The following NDP variants were observed in gnomAD, a reference collection of about 807,000 sequenced individuals.
NDP encodes the protein norrin cystine knot growth factor NDP.
NDP carries 2 observed loss-of-function variants against 8.4 expected under a neutral mutation model. The ratio of observed to expected loss-of-function variants is 0.24; its 90% CI spans 0.10 to 0.75. The LOEUF is 0.75. NDP is among the 30% of genes least tolerant of loss of function. NDP has a pLI of 0.73. For synonymous variants in NDP, 55 were observed against 45.6 expected, an observed-to-expected ratio of 1.21 and a Z score of -0.83; for missense variants, 81 against 110.1, an observed-to-expected ratio of 0.74 and a Z score of 1.18.
chrX:43,971,147 A>G (rs2035889149), intron 1 of NDP, among the ~76,000 whole-genome samples: 1 of 112,473 alleles, frequency 8.9e-6, no homozygotes, highest in Non-Finnish European at 1.9e-5. Flanking sequence ...TAGAGATGGC[A>G]TATGGACTGA....
At chrX:43,956,833 T>G (rs1206304312) in intron 2 of NDP, among the ~76,000 whole-genome samples, 2 of 112,113 alleles carry the variant, frequency 1.8e-5, no homozygotes, top group African/African-American at 6.5e-5. Context: ...AACAGTACAC[T>G]AAAGTCTGTT....
chrX:43,969,820 G>T (rs929996607), intron 1 of NDP, among the ~76,000 whole-genome samples: 3 of 111,808 alleles, frequency 2.7e-5, no homozygotes, highest in Non-Finnish European at 5.6e-5. Context: ...GAGCTCAGGC[G>T]AAGGGAAAAG....
At chrX:43,952,774 G>T (rs2035770256) in intron 2 of NDP, among the ~76,000 whole-genome samples, 1 of 112,116 alleles carries the variant, frequency 8.9e-6, no homozygotes, top group Non-Finnish European at 1.9e-5. Context: ...AGAATGCACA[G>T]ACATGTACAA....
At chrX:43,973,143 A>C (rs756210105) in intron 1 of NDP, among the ~76,000 whole-genome samples, 161 bp downstream of exon 1, 49 of 113,062 alleles carry the variant, frequency 4.3e-4, no homozygotes, top group Non-Finnish European at 6.7e-4. Context: ...CGTTCATTTA[A>C]GAAACACAAT....
intron 1 of NDP, among the ~76,000 whole-genome samples, chrX:43,968,501 G>C (rs919772627): frequency 8.9e-6 from 1 of 112,477 alleles, no homozygotes; most frequent in African/African-American, 3.2e-5. Context: ...ACACACATAG[G>C]GGTTTCGGAA....
chrX:43,963,747 A>G (rs1336252462), intron 1 of NDP, among the ~76,000 whole-genome samples: 1 of 112,684 alleles, frequency 8.9e-6, no homozygotes, highest in African/African-American at 3.2e-5. Flanking sequence ...CTAGTCAACT[A>G]GATGCCTTGG....
intron 1 of NDP, among the ~76,000 whole-genome samples, chrX:43,965,279 C>T (rs1025714167): frequency 9.1e-6 from 1 of 110,104 alleles, no homozygotes; most frequent in Non-Finnish European, 1.9e-5. Flanking sequence ...ACTAGCCAGG[C>T]ATGGTGGTAC....
intron 2 of NDP, among the ~76,000 whole-genome samples, chrX:43,953,881 C>T (rs1248589318): frequency 8.9e-6 from 1 of 112,481 alleles, no homozygotes; most frequent in African/African-American, 3.2e-5. Flanking sequence ...CCTCAGAAAC[C>T]CCTGACCATA....
rs773119031 is a variant in NDP at position 43,958,575 on chromosome X, C to T, written c.71G>A (p.Ser24Asn). The part of the protein sequence containing the change: ...SLLVIMGDTD[S>N]KTDSSFIMDS... ...CATTATGAATGAGCTGTCCGTTTTA[C>T]TGTCTGTATCTCCCATTATCACCAG... Residue 24 changes from serine (S) to asparagine (N), a missense_variant, in exon 2 of 3, where the codon AGT becomes AAT. Ser to Asn is a conservative substitution (Grantham distance 46, BLOSUM62 1). Transcript: ENST00000642620. 8.3e-7 allele frequency: 1 copy of T among 1,210,738 alleles called. No individual in the cohort carries two copies. The highest frequency in any genetic ancestry group is 1.1e-6 in the Non-Finnish European group (1 of 894,319).
At chrX:43,958,447 C>G in intron 2 of NDP, 25 bp downstream of exon 2, 10 of 1,202,512 alleles carry the variant, frequency 8.3e-6, no homozygotes, top group Non-Finnish European at 7.9e-6. Context: ...GGGAAATGCT[C>G]TCCTCACAGA....
chrX:43,960,418 A>C (rs1178223317), intron 1 of NDP, among the ~76,000 whole-genome samples: 1 of 112,161 alleles, frequency 8.9e-6, no homozygotes, highest in African/African-American at 3.2e-5. Context: ...AGTGAGCCCA[A>C]AGTTGACGAG....
intron 2 of NDP, among the ~76,000 whole-genome samples, chrX:43,954,178 C>T (rs1206218175): frequency 1.8e-5 from 2 of 112,093 alleles, no homozygotes; most frequent in Non-Finnish European, 3.8e-5. Flanking sequence ...ACAAGATTCA[C>T]CCATGCTTCT....
chrX:43,953,965 C>T (rs2035777041), intron 2 of NDP, among the ~76,000 whole-genome samples: 1 of 112,616 alleles, frequency 8.9e-6, no homozygotes, highest in Admixed American at 9.4e-5. Flanking sequence ...CAAGCTTATG[C>T]AGAGCTGAAT....
At position 43,949,703 on chromosome X, in the gene NDP, C is replaced by CT; in HGVS notation, c.*95dup. 2 of 822,551 alleles carry CT rather than the reference C, an allele frequency of 2.4e-6. No individual in the cohort carries two copies. The highest frequency in any genetic ancestry group is 2.6e-5 in the Admixed American group (1 of 38,299). The allele number at this position is 822,551 out of a possible 1,213,427, so 67.8% of individuals were successfully genotyped here. Reference sequence around the variant, plus strand: ...AGAGTCCCGGGAGAATTGTTGCATCCTTTTTTGCCTTAACTCTTTTCTTGC... The same window carrying CT: ...AGAGTCCCGGGAGAATTGTTGCATCCTTTTTTTGCCTTAACTCTTTTCTTGC... On this transcript the variant is annotated 3_prime_UTR_variant, in exon 3 of 3. Coordinates refer to ENST00000642620, the MANE Select transcript of NDP (RefSeq NM_000266.4).
At chrX:43,951,882 C>A (rs1211755449) in intron 2 of NDP, among the ~76,000 whole-genome samples, 1 of 112,286 alleles carries the variant, frequency 8.9e-6, no homozygotes, top group African/African-American at 3.2e-5. Context: ...GAGAAAATAG[C>A]AGCTGTAAGC....
chrX:43,958,501 T>G lies in NDP; in HGVS notation c.145A>C (p.Ser49Arg), dbSNP rs757737899. Residue 49 changes from serine to arginine, a missense_variant, in exon 2 of 3, where the codon AGT becomes CGT. Physicochemically the swap from Ser to Arg is moderately radical, Grantham distance 110 (BLOSUM62 -1). Coordinates refer to ENST00000642620, the MANE Select transcript of NDP (RefSeq NM_000266.4). ...GAGCTACACTTGTACAATGGGTGAC[T>G]GATAGAATCCACATAGTGGTGCCTC... is the stretch of plus-strand genomic sequence containing the variant. ...CMRHHYVDSI[S>R]HPLYKCSSKM... The G allele has an allele frequency of 1.7e-6, 2 of 1,212,091 alleles. No homozygotes were observed. The highest frequency in any genetic ancestry group is 2.2e-5 in the Admixed American group (1 of 46,134).
intron 2 of NDP, among the ~76,000 whole-genome samples, chrX:43,955,282 T>C (rs924617648): frequency 8.9e-6 from 1 of 112,256 alleles, no homozygotes; most frequent in Non-Finnish European, 1.9e-5. Context: ...GATCATAATA[T>C]CTTCTATTAA....
rs1250487267 is a variant in NDP, at chrX:43,973,295, C to T, written c.-208+9G>A. On this transcript the variant is annotated intron_variant, in intron 1 of 2. Coordinates refer to ENST00000642620, the MANE Select transcript of NDP (RefSeq NM_000266.4). ...TAGGCAAGCCGGCAGCGCTTGTTTT[C>T]CTGCTTACCTTAGGGGAACGCAGGG... is the stretch of plus-strand genomic sequence containing the variant. 8.9e-6 allele frequency: 1 copy of T among 111,789 alleles called. No individual in the cohort carries two copies. Among genetic ancestry groups the T allele is most frequent in the East Asian group, 2.8e-4 (1 of 3,532 alleles). 9.2% of individuals were successfully genotyped at this position (111,789 alleles called of 1,213,427 possible). A position where few individuals can be genotyped will look rare whatever the true frequency, so the allele number is the denominator to read the frequency against.
At position 43,949,742 on chromosome X, in the gene NDP, G is replaced by A; in HGVS notation, c.*57C>T. ...CTCTTTTCTTGCCAGTCTTTCCCTG[G>A]CTGGTCGAACTGCCTCTACAGTTGT... On this transcript the variant is annotated 3_prime_UTR_variant, in exon 3 of 3. Coordinates refer to ENST00000642620, the MANE Select transcript of NDP (RefSeq NM_000266.4). 9.3e-7 allele frequency: 1 copy of A among 1,079,222 alleles called. No individual in the cohort carries two copies. The highest frequency in any genetic ancestry group is 1.3e-6 in the Non-Finnish European group (1 of 792,626). The allele number at this position is 1,079,222 out of a possible 1,213,427, so 88.9% of individuals were successfully genotyped here.
Sources: allele counts gnomAD v4.1 joint callset (sites outside exome capture counted in the v4.1 genomes callset), GRCh38; gene constraint gnomAD v4.1.1; transcripts MANE v1.5; gene names NCBI Gene and HGNC (gene_info 2026-07-23, HGNC 2026-07-21).